Variants in PTPRD observed in about 807,000 individuals in gnomAD.
The protein encoded by PTPRD is protein tyrosine phosphatase receptor type D, also known as receptor-type tyrosine-protein phosphatase delta.
In PTPRD, 34 loss-of-function variants were observed where a neutral mutation model predicts 214.5. The ratio of observed to expected loss-of-function variants is 0.16; its 90% CI spans 0.12 to 0.21. The LOEUF (loss-of-function observed/expected upper bound fraction) is 0.21. Ranked by LOEUF, PTPRD falls within the 10% of genes least tolerant of loss-of-function variation. PTPRD has a pLI of 1.00. For missense variants in PTPRD, 2,545 were observed against 2,398.7 expected (o/e 1.06, Z -1.27); for synonymous variants, 1,128 against 845.7 (o/e 1.33, Z -5.79).
intron 5 of PTPRD, among the ~76,000 whole-genome samples, chr9:9,806,844 T>A (rs576962175): frequency 6.6e-6 from 1 of 152,062 alleles, no homozygotes; most frequent in Admixed American, 6.5e-5. Context: ...ACTGAACAGG[T>A]AAGAGAAAAA....
intron 8 of PTPRD, among the ~76,000 whole-genome samples, chr9:9,490,091 T>C (rs1016113575): frequency 1.3e-5 from 2 of 152,144 alleles, no homozygotes; most frequent in Non-Finnish European, 2.9e-5. Flanking sequence ...TGCCAGAAGC[T>C]AGTGGGTTAA....
chr9:9,980,003 G>C (rs1303241082), intron 4 of PTPRD, among the ~76,000 whole-genome samples: 2 of 152,114 alleles, frequency 1.3e-5, no homozygotes, highest in African/African-American at 2.4e-5. Flanking sequence ...CATGTGAGAG[G>C]AGAATTATAA....
At chr9:9,861,646 T>G (rs143388410) in intron 5 of PTPRD, among the ~76,000 whole-genome samples, 1,944 of 152,326 alleles carry the variant, frequency 0.013, 48 homozygotes, top group African/African-American at 0.045. Context: ...TAACTATTGA[T>G]ATACAGTATA....
At chr9:8,466,814 A>G (rs1565036893) in intron 31 of PTPRD, among the ~76,000 whole-genome samples, 1 of 151,936 alleles carries the variant, frequency 6.6e-6, no homozygotes, top group Non-Finnish European at 1.5e-5. Flanking sequence ...CAGTGCAGCA[A>G]AACTATTTAC....
intron 10 of PTPRD, among the ~76,000 whole-genome samples, chr9:9,067,169 A>C (rs1329802190): frequency 6.6e-6 from 1 of 152,140 alleles, no homozygotes; most frequent in Non-Finnish European, 1.5e-5. Context: ...GGTGGAGGTT[A>C]CAGTGAGCCT....
intron 10 of PTPRD, among the ~76,000 whole-genome samples, chr9:9,053,947 A>G (rs537614638): frequency 3.3e-5 from 5 of 152,198 alleles, no homozygotes; most frequent in Non-Finnish European, 7.3e-5. Context: ...TAATTTTCCT[A>G]TTAAAAGATT....
At chr9:8,618,188 G>C (rs557739286) in intron 14 of PTPRD, among the ~76,000 whole-genome samples, 35 of 152,166 alleles carry the variant, frequency 2.3e-4, no homozygotes, top group Middle Eastern at 6.8e-3. Context: ...TGCTGTTTAA[G>C]ACAGACGCAA....
chr9:9,127,669 C>T (rs367626079), intron 10 of PTPRD, among the ~76,000 whole-genome samples: 11 of 152,204 alleles, frequency 7.2e-5, no homozygotes, highest in African/African-American at 2.6e-4. Flanking sequence ...AATGAGCTTT[C>T]ATATTTGAGC....
intron 7 of PTPRD, among the ~76,000 whole-genome samples, chr9:9,663,515 C>G (rs1362156879): frequency 1.3e-5 from 2 of 151,400 alleles, no homozygotes; most frequent in Non-Finnish European, 3.0e-5. Flanking sequence ...GTAGCTCAAT[C>G]ATAAGCTAAG....
In PTPRD at chr9:10,137,862, A is replaced by C. The variant is rs77548414; in HGVS notation, c.-544-104072T>G. Among the ~76,000 whole-genome samples the C allele has an allele frequency of 2.9e-3, 434 of 152,208 alleles. 4 individuals carry two copies. The highest frequency in any genetic ancestry group is 9.0e-3 in the African/African-American group (374 of 41,562). Reference sequence around the variant, plus strand: ...AAATTAATAAAAACAGAAACACAACATATCAAAATCTATGTGATGCAGCTA... The same window carrying C: ...AAATTAATAAAAACAGAAACACAACCTATCAAAATCTATGTGATGCAGCTA... On this transcript the variant is annotated intron_variant, in intron 3 of 45. Transcript: ENST00000381196.
chr9:8,596,111 T>C (rs186353297), intron 14 of PTPRD, among the ~76,000 whole-genome samples: 2 of 152,272 alleles, frequency 1.3e-5, no homozygotes, highest in East Asian at 3.9e-4. Flanking sequence ...GATAAAACTA[T>C]AGAATTCATA....
intron 2 of PTPRD, among the ~76,000 whole-genome samples, chr9:10,539,273 C>G (rs2058564637): frequency 6.6e-6 from 1 of 152,156 alleles, no homozygotes; most frequent in South Asian, 2.1e-4. Flanking sequence ...CAACCACTGT[C>G]TTTCAGGATC....
chr9:9,621,116 G>C (rs978331802), intron 7 of PTPRD, among the ~76,000 whole-genome samples: 7 of 152,172 alleles, frequency 4.6e-5, no homozygotes, highest in African/African-American at 1.7e-4. Context: ...AGTACTCACT[G>C]ACCAGGCTGT....
rs185003903 is a variant in PTPRD at position 9,289,289 on chromosome 9, G to C, written c.-202-105926C>G. On this transcript the variant is annotated intron_variant, in intron 9 of 45. Transcript: ENST00000381196. ...AAAGATAACTTGGTTCATATCTGAA[G>C]TCAAGCAGCTAGCAACTTATTTTAT... 4.7e-4 allele frequency among the ~76,000 whole-genome samples: 72 copies of C among 151,994 alleles called. No homozygotes were observed. The East Asian group carries it at 0.013, about 28-fold the overall frequency.
At chr9:9,247,687 T>G (rs2099973687) in intron 9 of PTPRD, among the ~76,000 whole-genome samples, 1 of 152,098 alleles carries the variant, frequency 6.6e-6, no homozygotes, top group Admixed American at 6.6e-5. Context: ...TTTTCTGATC[T>G]CCAGCAGGGA....
Position 9,287,287 on chromosome 9 carries a change from C to G in PTPRD, c.-202-103924G>C, listed in dbSNP as rs148177417. ...TGGCATAAATGTTTATGTGCTAGCC[C>G]CATTTAAAAATGACCCAGTTGCCAT... On this transcript the variant is annotated intron_variant, in intron 9 of 45. Transcript: ENST00000381196. 7.8e-4 allele frequency among the ~76,000 whole-genome samples: 118 copies of G among 151,740 alleles called. 1 individual carries two copies. Among genetic ancestry groups the G allele is most frequent in the African/African-American group, 2.8e-3 (114 of 41,454 alleles).
intron 14 of PTPRD, among the ~76,000 whole-genome samples, chr9:8,572,408 A>C (rs929524174): frequency 5.3e-5 from 8 of 152,074 alleles, no homozygotes; most frequent in Non-Finnish European, 1.2e-4. Flanking sequence ...GTGCAGTGAC[A>C]AGACTTTCTG....
chr9:10,215,451 G>C (rs180752782), intron 3 of PTPRD, among the ~76,000 whole-genome samples: 1 of 152,072 alleles, frequency 6.6e-6, no homozygotes, highest in African/African-American at 2.4e-5. Context: ...ATTTAACCTC[G>C]TGAGACACAT....
At chr9:10,348,633 C>T (rs183055596) in intron 2 of PTPRD, among the ~76,000 whole-genome samples, 54 of 152,232 alleles carry the variant, frequency 3.5e-4, no homozygotes, top group African/African-American at 1.3e-3. Context: ...AGTTTACCTC[C>T]CCTGTTTGCA....
Sources: allele counts gnomAD v4.1 joint callset (sites outside exome capture counted in the v4.1 genomes callset), GRCh38; gene constraint gnomAD v4.1.1; transcripts MANE v1.5; gene names NCBI Gene and HGNC (gene_info 2026-07-23, HGNC 2026-07-21).